Variants in ZNF516 observed in about 807,000 individuals in gnomAD.
The protein encoded by ZNF516 is zinc finger protein 516.
ZNF516 carries 19 observed loss-of-function variants against 79.7 expected under a neutral mutation model. The observed-to-expected ratio is 0.24, with a 90% CI of 0.17 to 0.35. The LOEUF is 0.35. ZNF516 is among the 10% of genes least tolerant of loss of function. The pLI, the probability that ZNF516 is intolerant of heterozygous loss-of-function variation, is 1.00. For synonymous variants in ZNF516, 877 were observed against 739.5 expected, an observed-to-expected ratio of 1.19 and a Z score of -3.02; for missense variants, 1,678 against 1,679.5, an observed-to-expected ratio of 1.00 and a Z score of 0.02.
intron 3 of ZNF516, among the ~76,000 whole-genome samples, chr18:76,417,880 T>C (rs1273049485): frequency 6.6e-6 from 1 of 152,266 alleles, no homozygotes; most frequent in Non-Finnish European, 1.5e-5. Flanking sequence ...GTGTCACTTA[T>C]TAAATGTGAG....
intron 3 of ZNF516, among the ~76,000 whole-genome samples, chr18:76,407,282 A>G (rs1370817563): frequency 6.6e-6 from 1 of 152,152 alleles, no homozygotes. Flanking sequence ...ATAATTAGCC[A>G]GGCATGGTGG....
At chr18:76,389,610 G>T (rs894264713) in intron 3 of ZNF516, among the ~76,000 whole-genome samples, 1 of 152,140 alleles carries the variant, frequency 6.6e-6, no homozygotes, top group Non-Finnish European at 1.5e-5. Flanking sequence ...CTAGACAGGA[G>T]TAATTCATTT....
In ZNF516 at chr18:76,378,846, AC is replaced by A; in HGVS notation, c.3259+8del. The A allele has an allele frequency of 6.2e-7, 1 of 1,607,890 alleles. No homozygotes were observed. Among genetic ancestry groups the A allele is most frequent in the Non-Finnish European group, 8.5e-7 (1 of 1,175,924 alleles). Reference sequence around the variant, plus strand: ...GTGGCCTGGGGAAGAGAGGGCCCGCACATCTTACCTCTGTGCTCCAACCCAG... The same window carrying A: ...GTGGCCTGGGGAAGAGAGGGCCCGCAATCTTACCTCTGTGCTCCAACCCAG... On this transcript the variant is annotated splice_region_variant and intron_variant, in intron 4 of 6. Coordinates refer to ENST00000443185, the MANE Select transcript of ZNF516 (RefSeq NM_014643.4).
rs779202060 is a variant in ZNF516 at position 76,442,668 on chromosome 18, G to T, written c.387C>A (p.Asn129Lys). 4 of 1,584,740 alleles carry T rather than the reference G, an allele frequency of 2.5e-6. No individual in the cohort carries two copies. Among genetic ancestry groups the T allele is most frequent in the Admixed American group, 3.5e-5 (2 of 57,124 alleles). ...TGGCGCCGTCGGCCTGCGAGGCCCC[G>T]TTCAGCAGCCGGTTGCAGGCCGAGG... ...KSASACNRLL[N>K]GASQADGARV... Residue 129 changes from asparagine (N) to lysine (K), a missense_variant, in exon 3 of 7, where the codon AAC (asparagine) becomes AAA (lysine). By Grantham distance (94) the Asn-to-Lys change is moderately conservative. Around this residue, in one of 5 missense-constraint regions of ZNF516, gnomAD observed 279 missense variants for 254.1 expected, o/e 1.10. Coordinates refer to ENST00000443185, the MANE Select transcript of ZNF516 (RefSeq NM_014643.4).
At chr18:76,445,226 C>T (rs1911971543) in intron 2 of ZNF516, among the ~76,000 whole-genome samples, 1 of 149,442 alleles carries the variant, frequency 6.7e-6, no homozygotes, top group Admixed American at 6.7e-5. Flanking sequence ...CACTGCACCC[C>T]AGCCTGGGTG....
At chr18:76,445,869 T>C (rs1347445792) in intron 2 of ZNF516, among the ~76,000 whole-genome samples, 1 of 152,196 alleles carries the variant, frequency 6.6e-6, no homozygotes, top group Non-Finnish European at 1.5e-5. Context: ...CTCACACCAA[T>C]CACCAAAACC....
intron 3 of ZNF516, among the ~76,000 whole-genome samples, chr18:76,422,426 C>G (rs609487): frequency 0.56 from 85,484 of 152,106 alleles, 24,231 homozygotes; most frequent in South Asian, 0.68. Flanking sequence ...ACTGCCCTAA[C>G]TTTCCGGAAG....
At chr18:76,435,230 T>C (rs1414535040) in intron 3 of ZNF516, among the ~76,000 whole-genome samples, 2 of 152,222 alleles carry the variant, frequency 1.3e-5, no homozygotes, top group Non-Finnish European at 2.9e-5. Context: ...ACATCCCACA[T>C]GTATTTCTCA....
intron 1 of ZNF516, among the ~76,000 whole-genome samples, chr18:76,483,994 A>G (rs1268728117): frequency 6.6e-6 from 1 of 152,206 alleles, no homozygotes; most frequent in East Asian, 1.9e-4. Flanking sequence ...CTGTGGAGCA[A>G]GCTCTAAGCA....
chr18:76,424,838 TCCC>T (rs1243866824), intron 3 of ZNF516, among the ~76,000 whole-genome samples: 2 of 112,052 alleles, frequency 1.8e-5, no homozygotes, highest in Non-Finnish European at 3.4e-5. Flanking sequence ...GTGAAAAGGC[TCCC>T]CCATGAAACA....
intron 3 of ZNF516, among the ~76,000 whole-genome samples, chr18:76,381,568 C>T (rs928347072): frequency 6.6e-6 from 1 of 152,222 alleles, no homozygotes; most frequent in African/African-American, 2.4e-5. Flanking sequence ...GGAATCCCAA[C>T]AAACTGGTAA....
At chr18:76,477,414 A>AACGGG (rs1914236869) in intron 1 of ZNF516, among the ~76,000 whole-genome samples, 1 of 152,186 alleles carries the variant, frequency 6.6e-6, no homozygotes, top group African/African-American at 2.4e-5. Flanking sequence ...CACCTCCAAG[A>AACGGG]ACGGGACCCA....
intron 3 of ZNF516, among the ~76,000 whole-genome samples, chr18:76,438,254 G>C (rs1015784983): frequency 6.6e-6 from 1 of 152,174 alleles, no homozygotes; most frequent in African/African-American, 2.4e-5. Context: ...TGCTTTCTGA[G>C]CAGAATTCTA....
chr18:76,378,943 G>T lies in ZNF516; in HGVS notation c.3171C>A (p.Ile1057=), dbSNP rs1338489419. The change falls in exon 4 of 7, where the codon ATC becomes ATA. Residue 1057 remains isoleucine, a synonymous_variant. Coordinates refer to ENST00000443185, the MANE Select transcript of ZNF516 (RefSeq NM_014643.4). ...GAATGTACGTCTTAAAGATGTTGAG[G>T]ATGTCCAGGCGCTTCTCATGCCCCT... ...VAEGHEKRLD[I]LNIFKTYIPK... The T allele has an allele frequency of 6.2e-7, 1 of 1,613,858 alleles. No individual in the cohort carries two copies. Among genetic ancestry groups the T allele is most frequent in the Admixed American group, 1.7e-5 (1 of 60,038 alleles).
upstream of ZNF516, among the ~76,000 whole-genome samples, chr18:76,496,089 C>A (rs1356399100): frequency 6.7e-6 from 1 of 149,960 alleles, no homozygotes; most frequent in Non-Finnish European, 1.5e-5. Context: ...GACTAGAAAT[C>A]CTAATTTGAC....
At chr18:76,437,100 A>ACACACACACACACAC (rs60986326) in intron 3 of ZNF516, among the ~76,000 whole-genome samples, 1 of 150,770 alleles carries the variant, frequency 6.6e-6, no homozygotes, top group African/African-American at 2.5e-5. Context: ...ACACACACAC[A>ACACACACACACACAC]TACCGTCTCT....
At chr18:76,420,971 A>G (rs2145373737) in intron 3 of ZNF516, among the ~76,000 whole-genome samples, 1 of 152,268 alleles carries the variant, frequency 6.6e-6, no homozygotes, top group Admixed American at 6.5e-5. Context: ...TGGTGCCCAA[A>G]AGGAGAGAAA....
At chr18:76,367,028 A>G (rs1036654679) in intron 6 of ZNF516, among the ~76,000 whole-genome samples, 5 of 152,188 alleles carry the variant, frequency 3.3e-5, no homozygotes, top group African/African-American at 1.2e-4. Flanking sequence ...ATAAACCCGT[A>G]TCTTCGCCTG....
intron 3 of ZNF516, among the ~76,000 whole-genome samples, chr18:76,411,653 A>G (rs1256878114): frequency 6.6e-6 from 1 of 152,242 alleles, no homozygotes; most frequent in Non-Finnish European, 1.5e-5. Flanking sequence ...ACAAAAGCCC[A>G]AAGCATCAAA....
Sources: allele counts gnomAD v4.1 joint callset (sites outside exome capture counted in the v4.1 genomes callset), GRCh38; gene constraint gnomAD v4.1.1; regional missense constraint gnomAD v4.1.1; transcripts MANE v1.5; gene names NCBI Gene and HGNC (gene_info 2026-07-23, HGNC 2026-07-21).